The following NELL1 variants were observed in gnomAD, a reference collection of about 807,000 sequenced individuals.
The protein encoded by NELL1 is neural EGFL like 1.
NELL1 carries 76 observed loss-of-function variants against 107.4 expected under a neutral mutation model. The observed-to-expected ratio is 0.71, with a 90% CI of 0.59 to 0.86. The LOEUF (loss-of-function observed/expected upper bound fraction) is 0.86. NELL1 is among the 40% of genes least tolerant of loss of function. The pLI is 0.00. For missense variants in NELL1, 1,024 were observed against 1,005.5 expected (o/e 1.02, Z -0.25); for synonymous variants, 353 against 341.2 (o/e 1.03, Z -0.38).
At chr11:20,692,687 A>C (rs1227992871) in intron 2 of NELL1, among the ~76,000 whole-genome samples, 2 of 151,958 alleles carry the variant, frequency 1.3e-5, no homozygotes, top group East Asian at 3.9e-4. Flanking sequence ...ACATTTGCTG[A>C]GGAGTGCTTT....
intron 19 of NELL1, among the ~76,000 whole-genome samples, chr11:21,574,441 T>C (rs188599480): frequency 2.6e-5 from 4 of 151,940 alleles, no homozygotes; most frequent in Non-Finnish European, 5.9e-5. Context: ...AAGGTATATT[T>C]ACATTAGTAC....
At chr11:21,015,294 C>G (rs1308155852) in intron 12 of NELL1, among the ~76,000 whole-genome samples, 1 of 152,024 alleles carries the variant, frequency 6.6e-6, no homozygotes, top group East Asian at 1.9e-4. Context: ...CAATGAAAAG[C>G]CCAGAAGAGG....
intron 12 of NELL1, among the ~76,000 whole-genome samples, chr11:21,045,573 CAAG>C (rs1295012844): frequency 2.0e-5 from 3 of 152,116 alleles, no homozygotes; most frequent in African/African-American, 4.8e-5. Flanking sequence ...TAGAAAGCTC[CAAG>C]AAGCTCTGCT....
chr11:20,866,561 A>G (rs1322785098), intron 4 of NELL1, among the ~76,000 whole-genome samples: 1 of 152,222 alleles, frequency 6.6e-6, no homozygotes, highest in East Asian at 1.9e-4. Flanking sequence ...TTCACAGAAT[A>G]CAGTATTGGC....
At chr11:20,741,218 G>T (rs564537112) in intron 2 of NELL1, among the ~76,000 whole-genome samples, 1 of 151,974 alleles carries the variant, frequency 6.6e-6, no homozygotes, top group African/African-American at 2.4e-5. Context: ...AATTCCTGGA[G>T]CCTTCTCGCC....
chr11:21,520,311 C>T (rs1399342620), intron 15 of NELL1, among the ~76,000 whole-genome samples: 1 of 152,130 alleles, frequency 6.6e-6, no homozygotes, highest in Non-Finnish European at 1.5e-5. Context: ...TTACCTCTTG[C>T]TCTAGGGGTG....
intron 2 of NELL1, among the ~76,000 whole-genome samples, chr11:20,679,912 C>T (rs1854148793): frequency 6.6e-6 from 1 of 152,190 alleles, no homozygotes; most frequent in Non-Finnish European, 1.5e-5. Context: ...TTAGTTACTA[C>T]TATTCATTCC....
chr11:20,882,926 A>G (rs1358786536), intron 4 of NELL1, among the ~76,000 whole-genome samples: 2 of 152,150 alleles, frequency 1.3e-5, no homozygotes, highest in Non-Finnish European at 2.9e-5. Context: ...ACAAGCAGTT[A>G]TTTTGTGGAC....
intron 14 of NELL1, among the ~76,000 whole-genome samples, chr11:21,282,832 C>A (rs1849028409): frequency 6.8e-6 from 1 of 147,994 alleles, no homozygotes; most frequent in South Asian, 2.1e-4. Context: ...CAATGGAGTA[C>A]TATTCAGCCA....
At chr11:21,077,274 G>A (rs1337094037) in intron 12 of NELL1, among the ~76,000 whole-genome samples, 1 of 151,988 alleles carries the variant, frequency 6.6e-6, no homozygotes, top group African/African-American at 2.4e-5. Flanking sequence ...ATGCTTTACA[G>A]GCAACAAAAG....
At chr11:21,277,846 C>T (rs953713568) in intron 14 of NELL1, among the ~76,000 whole-genome samples, 1 of 152,086 alleles carries the variant, frequency 6.6e-6, no homozygotes, top group Non-Finnish European at 1.5e-5. Flanking sequence ...GGGAATTGAA[C>T]AATGAGAACA....
chr11:21,403,234 A>G (rs1852140942), intron 15 of NELL1, among the ~76,000 whole-genome samples: 1 of 151,710 alleles, frequency 6.6e-6, no homozygotes, highest in Non-Finnish European at 1.5e-5. Flanking sequence ...CTGGAGTTTT[A>G]TTAATATCTG....
At chr11:21,378,497 A>G (rs1851533673) in intron 15 of NELL1, among the ~76,000 whole-genome samples, 1 of 151,898 alleles carries the variant, frequency 6.6e-6, no homozygotes. Flanking sequence ...CTTAGGAACC[A>G]GGTTGGTATG....
intron 14 of NELL1, among the ~76,000 whole-genome samples, chr11:21,264,733 G>A (rs1848603376): frequency 6.6e-6 from 1 of 151,628 alleles, no homozygotes; most frequent in South Asian, 2.1e-4. Context: ...TGCCTGAGCT[G>A]GTGACAACAG....
At chr11:21,321,633 A>G (rs1850013244) in intron 14 of NELL1, among the ~76,000 whole-genome samples, 2 of 152,240 alleles carry the variant, frequency 1.3e-5, no homozygotes, top group Admixed American at 6.5e-5. Flanking sequence ...TGATCCTATA[A>G]ATAACTCTAT....
intron 3 of NELL1, among the ~76,000 whole-genome samples, chr11:20,837,111 G>A (rs1213345277): frequency 6.6e-6 from 1 of 152,116 alleles, no homozygotes; most frequent in African/African-American, 2.4e-5. Context: ...GGCGTATGTA[G>A]GACTAAAGGC....
At chr11:21,120,006 C>T (rs16907512) in intron 13 of NELL1, among the ~76,000 whole-genome samples, 3,239 of 152,138 alleles carry the variant, frequency 0.021, 96 homozygotes, top group South Asian at 0.12. Flanking sequence ...AAAAGCTTCC[C>T]ATGAAGGTAA....
chr11:21,476,732 C>T (rs1854343472), intron 15 of NELL1, among the ~76,000 whole-genome samples: 1 of 152,078 alleles, frequency 6.6e-6, no homozygotes. Flanking sequence ...GCTAATGCCA[C>T]CCGTCCCTCA....
chr11:21,140,601 G>C (rs1018006128), intron 13 of NELL1, among the ~76,000 whole-genome samples: 2 of 152,098 alleles, frequency 1.3e-5, no homozygotes, highest in Admixed American at 6.5e-5. Context: ...TAACTCTAAG[G>C]CAATTTGTTT....
Sources: gnomAD v4.1 joint callset for allele counts (sites outside exome capture counted in the v4.1 genomes callset) on GRCh38, gnomAD v4.1.1 for gene constraint, MANE v1.5 for transcripts, NCBI Gene and HGNC (gene_info 2026-07-23, HGNC 2026-07-21) for gene names.